The following ADAMTS6 variants were observed in gnomAD, a reference collection of about 807,000 sequenced individuals.
The protein encoded by ADAMTS6 is A disintegrin and metalloproteinase with thrombospondin motifs 6.
ADAMTS6 carries 23 observed loss-of-function variants against 144.3 expected under a neutral mutation model. The observed-to-expected ratio is 0.16, with a 90% CI of 0.11 to 0.23. The LOEUF is 0.23. Ranked by LOEUF, ADAMTS6 falls within the 10% of genes least tolerant of loss-of-function variation. The pLI is 1.00. For missense variants in ADAMTS6, 999 were observed against 1,379.6 expected (o/e 0.72, Z 4.37); for synonymous variants, 444 against 457.5 (o/e 0.97, Z 0.38).
intron 7 of ADAMTS6, among the ~76,000 whole-genome samples, chr5:65,367,103 T>C (rs1750370892): frequency 6.6e-6 from 1 of 152,216 alleles, no homozygotes; most frequent in African/African-American, 2.4e-5. Flanking sequence ...GGAGCTGTAC[T>C]GAAATGAATA....
At chr5:65,336,535 C>G (rs1747327608) in intron 7 of ADAMTS6, among the ~76,000 whole-genome samples, 1 of 151,998 alleles carries the variant, frequency 6.6e-6, no homozygotes, top group African/African-American at 2.4e-5. Flanking sequence ...TGTATGTCCA[C>G]TCAATGGTTT....
At chr5:65,246,536 T>A (rs1455869649) in intron 14 of ADAMTS6, among the ~76,000 whole-genome samples, 1 of 152,078 alleles carries the variant, frequency 6.6e-6, no homozygotes, top group Non-Finnish European at 1.5e-5. Flanking sequence ...GGGAGGGAAG[T>A]TTTTTTAAAC....
intron 15 of ADAMTS6, among the ~76,000 whole-genome samples, 177 bp downstream of exon 15, chr5:65,241,927 C>T (rs1055767821): frequency 2.0e-5 from 3 of 152,140 alleles, no homozygotes; most frequent in African/African-American, 7.2e-5. Flanking sequence ...AACCTTATTA[C>T]AGGGCAAATA....
chr5:65,258,629 G>C (rs1760899209), intron 14 of ADAMTS6, among the ~76,000 whole-genome samples: 1 of 152,180 alleles, frequency 6.6e-6, no homozygotes, highest in East Asian at 1.9e-4. Flanking sequence ...CAGAGCAGCA[G>C]TAGTGAAGTT....
At chr5:65,152,901 T>C (rs1005483880) in intron 24 of ADAMTS6, among the ~76,000 whole-genome samples, 5 of 152,214 alleles carry the variant, frequency 3.3e-5, no homozygotes, top group African/African-American at 1.2e-4. Context: ...AGAACCAAAG[T>C]TCCACCCTCA....
Position 65,454,328 on chromosome 5 carries a change from G to T in ADAMTS6, c.632-1410C>A, listed in dbSNP as rs116249191. Among the ~76,000 whole-genome samples, 1,101 of 152,310 alleles carry T rather than the reference G, an allele frequency of 7.2e-3. 8 individuals are homozygous for T. Among genetic ancestry groups the T allele is most frequent in the African/African-American group, 0.025 (1,051 of 41,560 alleles). Reference sequence around the variant, plus strand: ...GGATGGATAAATTTTGAGAAATGAGGTGGAAATGATCATGAGACCCATCAG... The same window carrying T: ...GGATGGATAAATTTTGAGAAATGAGTTGGAAATGATCATGAGACCCATCAG... On this transcript the variant is annotated intron_variant, in intron 4 of 24. Transcript: ENST00000381055.
intron 7 of ADAMTS6, among the ~76,000 whole-genome samples, chr5:65,337,765 C>T (rs1334109549): frequency 6.6e-6 from 1 of 152,156 alleles, no homozygotes; most frequent in African/African-American, 2.4e-5. Flanking sequence ...TACATCCCAT[C>T]AACTCTTCTC....
At chr5:65,432,558 C>T (rs1333848062) in intron 7 of ADAMTS6, among the ~76,000 whole-genome samples, 3 of 151,990 alleles carry the variant, frequency 2.0e-5, no homozygotes, top group Admixed American at 2.0e-4. Context: ...CTCCACACCC[C>T]TGCCAGGAAC....
chr5:65,371,131 A>G (rs1005719899), intron 7 of ADAMTS6, among the ~76,000 whole-genome samples: 4 of 152,226 alleles, frequency 2.6e-5, no homozygotes, highest in Non-Finnish European at 5.9e-5. Flanking sequence ...CAACACCATC[A>G]TCAAAGACCA....
chr5:65,464,986 C>T (rs1759891986), intron 3 of ADAMTS6, among the ~76,000 whole-genome samples: 1 of 152,208 alleles, frequency 6.6e-6, no homozygotes, highest in African/African-American at 2.4e-5. Context: ...TTTCTCACTT[C>T]ATGGAATCCA....
At chr5:65,324,815 T>C (rs1382315121) in intron 9 of ADAMTS6, among the ~76,000 whole-genome samples, 3 of 152,110 alleles carry the variant, frequency 2.0e-5, no homozygotes, top group Non-Finnish European at 4.4e-5. Flanking sequence ...TTAAACACCA[T>C]GCTACCAACC....
At chr5:65,171,122 GC>G (rs1195462941) in intron 23 of ADAMTS6, among the ~76,000 whole-genome samples, 1 of 151,730 alleles carries the variant, frequency 6.6e-6, no homozygotes, top group Non-Finnish European at 1.5e-5. Flanking sequence ...CCATTCTCCT[GC>G]CTCAGCCTCC....
At chr5:65,340,167 C>T (rs887448768) in intron 7 of ADAMTS6, among the ~76,000 whole-genome samples, 1 of 151,884 alleles carries the variant, frequency 6.6e-6, no homozygotes, top group African/African-American at 2.4e-5. Flanking sequence ...ATTAGACTAA[C>T]AGCTAATTTC....
intron 7 of ADAMTS6, among the ~76,000 whole-genome samples, chr5:65,431,209 A>G (rs1464131805): frequency 6.6e-6 from 1 of 152,080 alleles, no homozygotes; most frequent in Non-Finnish European, 1.5e-5. Context: ...TATAAACATT[A>G]TATGTCTCAT....
At chr5:65,263,222 T>C (rs1305305603) in intron 12 of ADAMTS6, among the ~76,000 whole-genome samples, 1 of 152,188 alleles carries the variant, frequency 6.6e-6, no homozygotes, top group East Asian at 1.9e-4. Context: ...TCTTTTCCCT[T>C]GTTTCTATTC....
At chr5:65,422,979 A>G (rs1393644343) in intron 7 of ADAMTS6, among the ~76,000 whole-genome samples, 1 of 152,192 alleles carries the variant, frequency 6.6e-6, no homozygotes, top group African/African-American at 2.4e-5. Context: ...CTGGAATACT[A>G]TTCAGCCATA....
At chr5:65,272,376 CAG>C (rs973652192) in intron 12 of ADAMTS6, among the ~76,000 whole-genome samples, 3 of 152,046 alleles carry the variant, frequency 2.0e-5, no homozygotes, top group African/African-American at 7.2e-5. Context: ...TTTTTAGAGA[CAG>C]AGTCTCTCAC....
At chr5:65,481,228 A>AC (rs1434812349) in intron 1 of ADAMTS6, 115 bp downstream of exon 1, 1 of 151,272 alleles carries the variant, frequency 6.6e-6, no homozygotes, top group African/African-American at 2.4e-5. Context: ...AAAAAAAAAA[A>AC]AAAAACACAC....
intron 7 of ADAMTS6, among the ~76,000 whole-genome samples, chr5:65,336,718 T>C (rs1252989181): frequency 6.6e-6 from 1 of 152,132 alleles, no homozygotes; most frequent in Non-Finnish European, 1.5e-5. Context: ...TGTGCCTTCC[T>C]GCTTATTTTA....
Sources: gnomAD v4.1 joint callset for allele counts (sites outside exome capture counted in the v4.1 genomes callset) on GRCh38, gnomAD v4.1.1 for gene constraint, MANE v1.5 for transcripts, NCBI Gene and HGNC (gene_info 2026-07-23, HGNC 2026-07-21) for gene names.